NOL3: variants seen among roughly 807,000 people sequenced by gnomAD.
NOL3 encodes the protein nucleolar protein 3.
A neutral mutation model predicts 19.2 loss-of-function variants in NOL3; 18 were observed. That is an observed-to-expected ratio of 0.94 (90% CI 0.65 to 1.39). The LOEUF (loss-of-function observed/expected upper bound fraction) is 1.39. NOL3 is among the 40% of genes most tolerant of loss of function. The probability of loss-of-function intolerance (pLI) is 0.00; values close to 1 mark genes in which losing one functional copy is unlikely to be tolerated. For synonymous variants in NOL3, 127 were observed against 137.3 expected (o/e 0.93, Z 0.52); for missense variants, 290 against 289.5 (o/e 1.00, Z -0.01).
chr16:67,172,071 C>G (rs1416607534), intron 1 of NOL3: 1 of 152,142 alleles, frequency 6.6e-6, no homozygotes, highest in Non-Finnish European at 1.5e-5. Context: ...ACTAAATCCT[C>G]TCTCCCAGAG....
At chr16:67,174,328 T>G (rs753648240) in exon 2 of NOL3, 4 of 1,602,908 alleles carry the variant, frequency 2.5e-6, no homozygotes, top group Non-Finnish European at 3.4e-6. Flanking sequence ...CACTGCCTGA[T>G]GCCGAGCGCA....
exon 2 of NOL3, chr16:67,174,279 G>C (rs777348689): frequency 5.6e-6 from 9 of 1,611,772 alleles, no homozygotes; most frequent in Non-Finnish European, 7.6e-6. Flanking sequence ...CTGCTGGCGC[G>C]GGGCGTGCTC....
exon 4 of NOL3, chr16:67,175,461 C>G: frequency 1.8e-6 from 1 of 558,074 alleles, no homozygotes; most frequent in Non-Finnish European, 2.4e-6. Flanking sequence ...CAACCCCACG[C>G]AAGTTCCTGA....
At chr16:67,175,070 C>T (rs756081960) in exon 4 of NOL3, 25 of 1,614,120 alleles carry the variant, frequency 1.5e-5, no homozygotes, top group Non-Finnish European at 2.0e-5. Context: ...AGAGCTCTGA[C>T]AGGCGGTGCC....
At chr16:67,174,412 G>T in exon 2 of NOL3, 1 of 1,534,786 alleles carries the variant, frequency 6.5e-7, no homozygotes, top group Non-Finnish European at 8.7e-7. Context: ...GCTGTGCCCA[G>T]CGTACCGCGG....
chr16:67,172,314 C>T (rs558018290), intron 1 of NOL3, among the ~76,000 whole-genome samples: 1 of 152,234 alleles, frequency 6.6e-6, no homozygotes, highest in South Asian at 2.1e-4. Context: ...CCTTGGTTGA[C>T]AATAAATGGA....
chr16:67,175,166 T>G lies in NOL3; in HGVS notation c.*112T>G, dbSNP rs752959863. 9.4e-6 allele frequency: 15 copies of G among 1,587,356 alleles called. No individual in the cohort carries two copies. In the African/African-American group the frequency reaches 1.9e-4, roughly 20 times the overall value. The stretch of plus-strand genomic sequence containing the variant: ...CGGTCCAGCCCAGTACCGCTGGAAG[T>G]GAATAAACTCCGGAGGGTCGGACGG... On this transcript the variant is annotated 3_prime_UTR_variant, in exon 4 of 4. Coordinates refer to ENST00000268605, the Ensembl canonical transcript of NOL3.
intron 1 of NOL3, 35 bp from the exon 2 acceptor site, chr16:67,174,127 A>G: frequency 1.3e-6 from 2 of 1,597,956 alleles, no homozygotes; most frequent in Middle Eastern, 1.7e-4. Flanking sequence ...GGGGAGGGCA[A>G]CCCCCCATTA....
intron 1 of NOL3, chr16:67,173,880 G>C: frequency 6.5e-7 from 1 of 1,535,538 alleles, no homozygotes; most frequent in Non-Finnish European, 8.7e-7. Flanking sequence ...TGCCAGTCCT[G>C]GGAAAGGCAG....
At chr16:67,173,745 G>A (rs1160863945) in intron 1 of NOL3, 2 of 873,560 alleles carry the variant, frequency 2.3e-6, no homozygotes, top group East Asian at 5.3e-5. Context: ...TTTCTGCCTG[G>A]TTAGGTGGGG....
Position 67,174,273 on chromosome 16 carries a change from TGGCGCGG to T in NOL3, c.109_115del (p.Arg37CysfsTer185). ...TCGGGACTGCTGTTGGACGCGCTGCTGGCGCGGGGCGTGCTCACCGGGCCAGAGTACG... is the reference window on the plus strand; with the variant it reads ...TCGGGACTGCTGTTGGACGCGCTGCTGGCGTGCTCACCGGGCCAGAGTACG... On this transcript the variant is annotated frameshift_variant, in exon 2 of 4. Coordinates refer to ENST00000268605, the Ensembl canonical transcript of NOL3. LOFTEE classifies it high-confidence loss of function. The T allele has an allele frequency of 6.2e-7, 1 of 1,612,182 alleles. No homozygotes were observed. The highest frequency in any genetic ancestry group is 8.5e-7 in the Non-Finnish European group (1 of 1,179,538).
At chr16:67,174,350 C>G (rs1267110876) in exon 2 of NOL3, 1 of 1,588,268 alleles carries the variant, frequency 6.3e-7, no homozygotes, top group African/African-American at 1.3e-5. Context: ...GGTGCGCCGC[C>G]TACTGCTGCT....
chr16:67,172,259 G>A (rs1264467740), intron 1 of NOL3, among the ~76,000 whole-genome samples: 2 of 152,106 alleles, frequency 1.3e-5, no homozygotes, highest in Non-Finnish European at 2.9e-5. Context: ...TAATGCCGGG[G>A]GTCTTGCTGG....
At chr16:67,174,545 G>A (rs2032019543) in intron 2 of NOL3, 76 bp from the exon 3 acceptor site, 1 of 1,485,892 alleles carries the variant, frequency 6.7e-7, no homozygotes, top group South Asian at 1.4e-5. Flanking sequence ...CAGGGTTGTC[G>A]TCTCCGCTAG....
Position 67,174,963 on chromosome 16 carries a change from C to CGCCT in NOL3, c.619+19_619+20insGCCT. 1 of 1,609,564 alleles carries CGCCT rather than the reference C, an allele frequency of 6.2e-7. No individual in the cohort carries two copies. Among genetic ancestry groups the CGCCT allele is most frequent in the Non-Finnish European group, 8.5e-7 (1 of 1,176,698 alleles). ...TCCGAAGGTGTGAGTCCGCCCAAAC[C>CGCCT]CTGAGCCGGCTTGGCGGGAGGGCAT... On this transcript the variant is annotated intron_variant, in intron 3 of 3. Transcript: ENST00000268605.
exon 2 of NOL3, chr16:67,174,276 C>G: frequency 6.2e-7 from 1 of 1,611,884 alleles, no homozygotes; most frequent in Non-Finnish European, 8.5e-7. Flanking sequence ...GCGCTGCTGG[C>G]GCGGGGCGTG....
At chr16:67,174,990 G>T (rs2032081614) in intron 3 of NOL3, 46 bp downstream of exon 3, 1 of 1,610,652 alleles carries the variant, frequency 6.2e-7, no homozygotes, top group East Asian at 2.2e-5. Context: ...GGAGGGCATG[G>T]CCTGGGAAGC....
intron 1 of NOL3, chr16:67,173,852 G>C: frequency 6.5e-7 from 1 of 1,532,862 alleles, no homozygotes; most frequent in Non-Finnish European, 8.7e-7. Context: ...TGGTTGGGGA[G>C]GGCATTCAGA....
At chr16:67,171,093 G>C (rs2031728997) in intron 1 of NOL3, 1 of 152,312 alleles carries the variant, frequency 6.6e-6, no homozygotes, top group Admixed American at 6.5e-5. Flanking sequence ...AAACAACTTA[G>C]GTTGGAGAGA....
Sources: gnomAD v4.1 joint callset for allele counts (sites outside exome capture counted in the v4.1 genomes callset) on GRCh38, gnomAD v4.1.1 for gene constraint, MANE v1.5 for transcripts, NCBI Gene and HGNC (gene_info 2026-07-23, HGNC 2026-07-21) for gene names.